Variants in CCDC66 observed in about 807,000 individuals in gnomAD.
CCDC66 encodes coiled-coil domain containing 66, also known as coiled-coil domain-containing protein 66.
In CCDC66, 133 loss-of-function variants were observed where a neutral mutation model predicts 128.3. The ratio of observed to expected loss-of-function variants is 1.04; its 90% CI spans 0.90 to 1.20. The LOEUF is 1.20. Ranked by LOEUF, CCDC66 falls within the 50% of genes most tolerant of loss-of-function variation. The pLI is 0.00. For missense variants in CCDC66, 1,126 were observed against 1,075.5 expected (o/e 1.05, Z -0.66); for synonymous variants, 387 against 357.0 (o/e 1.08, Z -0.95).
At position 56,593,674 on chromosome 3, in the gene CCDC66, C is replaced by T. The variant is rs542442787; in HGVS notation, c.1252C>T (p.Pro418Ser). 2.5e-6 allele frequency: 4 copies of T among 1,614,156 alleles called. No homozygotes were observed. Among genetic ancestry groups the T allele is most frequent in the African/African-American group, 2.7e-5 (2 of 75,032 alleles). ...ACCTACAACCGGAAGCCAGGTTGAACCTTCAGAGGAGGAGCATATAGCAAA... is the reference window on the plus strand; with the variant it reads ...ACCTACAACCGGAAGCCAGGTTGAATCTTCAGAGGAGGAGCATATAGCAAA... Reference protein sequence around the residue: ...CTPTTGSQVEPSEEEHIAKPI... With the variant: ...CTPTTGSQVESSEEEHIAKPI... Residue 418 changes from proline to serine, a missense_variant, in exon 9 of 18, where the codon CCT (proline) becomes TCT (serine). Physicochemically the swap from Pro to Ser is moderately conservative, Grantham distance 74. Transcript: ENST00000394672.
intron 7 of CCDC66, among the ~76,000 whole-genome samples, chr3:56,585,311 A>C (rs1329240627): frequency 6.6e-6 from 1 of 151,894 alleles, no homozygotes. Flanking sequence ...GAAAGAAAAA[A>C]GACTTGGTAT....
At chr3:56,617,854 G>A in intron 14 of CCDC66, 1 of 571,402 alleles carries the variant, frequency 1.8e-6, no homozygotes. Flanking sequence ...GAAACAATAT[G>A]GCCCACAAAG....
intron 17 of CCDC66, chr3:56,620,493 T>G (rs907913089): frequency 2.6e-5 from 4 of 152,298 alleles, no homozygotes; most frequent in African/African-American, 7.2e-5. Flanking sequence ...CACTATATAC[T>G]CTCTGTACTT....
intron 6 of CCDC66, 27 bp from the exon 7 acceptor site, chr3:56,571,154 T>A: frequency 6.9e-7 from 1 of 1,459,090 alleles, no homozygotes; most frequent in Non-Finnish European, 9.3e-7. Flanking sequence ...TTTTTGTACA[T>A]TTTTTTAAAA....
At chr3:56,590,616 G>T (rs140510546) in intron 7 of CCDC66, among the ~76,000 whole-genome samples, 1 of 151,922 alleles carries the variant, frequency 6.6e-6, no homozygotes, top group Admixed American at 6.6e-5. Context: ...AAAAATAGCC[G>T]GGTGTGGTGG....
At chr3:56,587,674 C>T (rs2070048681) in intron 7 of CCDC66, among the ~76,000 whole-genome samples, 1 of 152,142 alleles carries the variant, frequency 6.6e-6, no homozygotes. Flanking sequence ...AGTTCGAGAC[C>T]AGCCTGGCTA....
At chr3:56,581,235 G>A (rs1050240945) in intron 7 of CCDC66, among the ~76,000 whole-genome samples, 4 of 151,672 alleles carry the variant, frequency 2.6e-5, no homozygotes, top group African/African-American at 4.8e-5. Context: ...TGTAGTTCTC[G>A]TGCCATGGTT....
intron 6 of CCDC66, chr3:56,570,223 C>T (rs771577573): frequency 8.5e-5 from 13 of 152,246 alleles, no homozygotes; most frequent in Non-Finnish European, 1.9e-4. Context: ...CTTCCAGTAA[C>T]ATTCTTGGAA....
At chr3:56,561,985 A>T (rs771527427) in intron 3 of CCDC66, among the ~76,000 whole-genome samples, 1 of 151,918 alleles carries the variant, frequency 6.6e-6, no homozygotes, top group Non-Finnish European at 1.5e-5. Context: ...CAAGTTTAAC[A>T]TATATGTGGT....
chr3:56,594,176 C>T, intron 10 of CCDC66, 148 bp downstream of exon 10: 3 of 703,252 alleles, frequency 4.3e-6, no homozygotes, highest in Non-Finnish European at 7.4e-6. Context: ...CCTACCACAA[C>T]TGGCATTGTA....
intron 7 of CCDC66, among the ~76,000 whole-genome samples, chr3:56,587,374 T>C (rs2069975805): frequency 6.6e-6 from 1 of 151,918 alleles, no homozygotes; most frequent in Non-Finnish European, 1.5e-5. Context: ...TTAATAGGCT[T>C]ACAGTTTTGC....
At position 56,617,235 on chromosome 3, in the gene CCDC66, A is replaced by C; in HGVS notation, c.1967A>C (p.Lys656Thr). Residue 656 changes from lysine to threonine, a missense_variant, in exon 14 of 18, where the codon AAG (lysine) becomes ACG (threonine). Lys to Thr is a moderately conservative substitution (Grantham distance 78). Transcript: ENST00000394672. Reference sequence around the variant, plus strand: ...GAACTTATTGGACAGTTTAGCACCAAGAAAAACAAGCAAGAACTAACTCAG... The same window carrying C: ...GAACTTATTGGACAGTTTAGCACCACGAAAAACAAGCAAGAACTAACTCAG... The part of the protein sequence containing the change: ...SAELIGQFST[K>T]KNKQELTQDK... 1 of 1,614,052 alleles carries C rather than the reference A, an allele frequency of 6.2e-7. No homozygotes were observed. The highest frequency in any genetic ancestry group is 1.1e-5 in the South Asian group (1 of 91,046).
intron 10 of CCDC66, among the ~76,000 whole-genome samples, chr3:56,596,760 T>G (rs2072021605): frequency 1.1e-4 from 1 of 9,292 alleles, no homozygotes; most frequent in East Asian, 8.5e-4. Flanking sequence ...CATCTTGAAT[T>G]TTTTTTTTTT....
intron 7 of CCDC66, chr3:56,572,266 T>C: frequency 1.1e-6 from 1 of 887,440 alleles, no homozygotes; most frequent in Non-Finnish European, 1.6e-6. Flanking sequence ...ATTTTTAAAT[T>C]TTATCTGTGG....
chr3:56,569,703 G>C (rs1269802539), intron 6 of CCDC66: 1 of 151,920 alleles, frequency 6.6e-6, no homozygotes, highest in African/African-American at 2.4e-5. Flanking sequence ...GTCTTGATGT[G>C]TGTTTATATC....
chr3:56,579,357 A>G (rs1195572637), intron 7 of CCDC66, among the ~76,000 whole-genome samples: 2 of 151,780 alleles, frequency 1.3e-5, no homozygotes, highest in African/African-American at 4.8e-5. Flanking sequence ...TCAAAAAACC[A>G]GCTCCTGGAT....
intron 7 of CCDC66, among the ~76,000 whole-genome samples, chr3:56,582,174 G>C (rs1325016420): frequency 6.6e-5 from 10 of 151,920 alleles, no homozygotes; most frequent in Admixed American, 4.0e-4. Context: ...TGCTGTGCTA[G>C]CAGTGAGCGA....
chr3:56,571,388 GT>G (rs35443637), intron 7 of CCDC66, 86 bp downstream of exon 7: 38,721 of 535,942 alleles, frequency 0.072, 708 homozygotes, highest in South Asian at 0.1. Context: ...AAAAAAAAAA[GT>G]TTTTTTTTTG....
chr3:56,603,387 ATTTTAGATC>A (rs1323300153), intron 10 of CCDC66, among the ~76,000 whole-genome samples: 1 of 151,950 alleles, frequency 6.6e-6, no homozygotes, highest in Non-Finnish European at 1.5e-5. Flanking sequence ...TAGGGTGTCA[ATTTTAGATC>A]TTTCCTGCTT....
Sources: allele counts gnomAD v4.1 joint callset (sites outside exome capture counted in the v4.1 genomes callset), GRCh38; gene constraint gnomAD v4.1.1; transcripts MANE v1.5; gene names NCBI Gene and HGNC (gene_info 2026-07-23, HGNC 2026-07-21).